Variants in CSMD1 observed in about 807,000 individuals in gnomAD.
CSMD1 encodes the protein CUB and Sushi multiple domains 1.
In CSMD1, 213 loss-of-function variants were observed where a neutral mutation model predicts 417.5. The ratio of observed to expected loss-of-function variants is 0.51; its 90% confidence interval spans 0.46 to 0.57. The LOEUF is 0.57. CSMD1 is among the 20% of genes least tolerant of loss of function. The probability of loss-of-function intolerance (pLI) is 0.00; values close to 1 mark genes in which losing one functional copy is unlikely to be tolerated. For synonymous variants in CSMD1, 2,862 were observed against 1,736.8 expected, an observed-to-expected ratio of 1.65 and a Z score of -16.11; for missense variants, 6,923 against 4,529.7, an observed-to-expected ratio of 1.53 and a Z score of -15.17.
intron 1 of CSMD1, among the ~76,000 whole-genome samples, chr8:4,914,583 G>A (rs201704799): frequency 9.6e-3 from 1,279 of 133,218 alleles, no homozygotes; most frequent in Middle Eastern, 0.016. Flanking sequence ...CTCCCAAAAA[G>A]AAAAAAAAAA....
intron 12 of CSMD1, among the ~76,000 whole-genome samples, chr8:3,425,363 G>A (rs1317331741): frequency 7.2e-5 from 11 of 151,888 alleles, no homozygotes; most frequent in African/African-American, 2.2e-4. Flanking sequence ...GCTGAGGTGC[G>A]TGGATCACGA....
chr8:4,083,422 G>A (rs1005341822), intron 3 of CSMD1, among the ~76,000 whole-genome samples: 8 of 151,968 alleles, frequency 5.3e-5, no homozygotes, highest in African/African-American at 1.7e-4. Flanking sequence ...TCCGCATCAC[G>A]CCACCTGACT....
chr8:3,972,326 G>A (rs947151403), intron 5 of CSMD1, among the ~76,000 whole-genome samples: 1 of 152,086 alleles, frequency 6.6e-6, no homozygotes, highest in Non-Finnish European at 1.5e-5. Flanking sequence ...AGTTTTCCAA[G>A]ATTGTCACTT....
At chr8:3,090,507 C>G (rs1046672766) in intron 48 of CSMD1, among the ~76,000 whole-genome samples, 1 of 152,026 alleles carries the variant, frequency 6.6e-6, no homozygotes, top group Non-Finnish European at 1.5e-5. Flanking sequence ...CTTTCAAAAT[C>G]TTGATGCTTT....
chr8:4,441,554 T>A (rs1432410769), intron 2 of CSMD1, among the ~76,000 whole-genome samples: 1 of 152,150 alleles, frequency 6.6e-6, no homozygotes, highest in Admixed American at 6.5e-5. Flanking sequence ...TAGAAGCACA[T>A]GAAAGCCTAT....
At chr8:4,401,492 C>G (rs1348012132) in intron 3 of CSMD1, among the ~76,000 whole-genome samples, 1 of 152,086 alleles carries the variant, frequency 6.6e-6, no homozygotes, top group Non-Finnish European at 1.5e-5. Flanking sequence ...ATCCCCTCAC[C>G]CAGAGAGGAG....
intron 23 of CSMD1, among the ~76,000 whole-genome samples, chr8:3,341,838 G>C (rs1262369191): frequency 3.9e-5 from 6 of 152,196 alleles, no homozygotes; most frequent in Non-Finnish European, 7.3e-5. Context: ...TCTAAGACTA[G>C]TGTAGGGGCA....
At chr8:3,304,981 A>C (rs1804712842) in intron 25 of CSMD1, among the ~76,000 whole-genome samples, 1 of 152,196 alleles carries the variant, frequency 6.6e-6, no homozygotes, top group South Asian at 2.1e-4. Context: ...AGCCATTGGA[A>C]GTGGTTTTTA....
intron 1 of CSMD1, among the ~76,000 whole-genome samples, chr8:4,734,217 T>C (rs1810080517): frequency 6.6e-6 from 1 of 152,190 alleles, no homozygotes; most frequent in Non-Finnish European, 1.5e-5. Context: ...CTGCATGGTA[T>C]AAGGATGTGT....
intron 20 of CSMD1, among the ~76,000 whole-genome samples, chr8:3,365,178 G>C (rs1041657898): frequency 1.3e-5 from 2 of 152,168 alleles, no homozygotes; most frequent in Non-Finnish European, 2.9e-5. Context: ...TTAAGTCTTT[G>C]ATATATAAAG....
intron 1 of CSMD1, among the ~76,000 whole-genome samples, chr8:4,851,315 T>A (rs935109502): frequency 6.6e-6 from 1 of 152,104 alleles, no homozygotes; most frequent in African/African-American, 2.4e-5. Context: ...CTATGGTGTA[T>A]ACATGCCAAC....
At chr8:3,818,415 C>T (rs1001022301) in intron 5 of CSMD1, among the ~76,000 whole-genome samples, 1 of 152,116 alleles carries the variant, frequency 6.6e-6, no homozygotes, top group African/African-American at 2.4e-5. Context: ...AAAACAGCAC[C>T]AAACAATTAT....
intron 3 of CSMD1, among the ~76,000 whole-genome samples, chr8:4,146,930 G>C (rs980985047): frequency 4.6e-5 from 7 of 151,798 alleles, no homozygotes; most frequent in Non-Finnish European, 1.0e-4. Context: ...TGAACTTTAA[G>C]GAAGTCAACT....
chr8:4,469,094 T>A (rs967084467), intron 2 of CSMD1, among the ~76,000 whole-genome samples: 1 of 152,164 alleles, frequency 6.6e-6, no homozygotes, highest in African/African-American at 2.4e-5. Flanking sequence ...GAAGACCTGT[T>A]TGAAGAGTTT....
chr8:4,063,403 G>C (rs986486125), intron 3 of CSMD1, among the ~76,000 whole-genome samples: 10 of 152,018 alleles, frequency 6.6e-5, no homozygotes, highest in Non-Finnish European at 8.8e-5. Flanking sequence ...ATAGATTATA[G>C]TATATATTTA....
At chr8:3,155,358 G>GTTTTTTT (rs763097673) in intron 39 of CSMD1, among the ~76,000 whole-genome samples, 2 of 48,104 alleles carry the variant, frequency 4.2e-5, no homozygotes, top group African/African-American at 6.3e-5. Flanking sequence ...TCAAGGCTGG[G>GTTTTTTT]ATTTTTTTTT....
chr8:4,798,196 T>C (rs111638295), intron 1 of CSMD1, among the ~76,000 whole-genome samples: 2,479 of 152,202 alleles, frequency 0.016, 67 homozygotes, highest in African/African-American at 0.057. Context: ...CGGTGTGTGA[T>C]GTTCCCCTTC....
At position 4,429,809 on chromosome 8, in the gene CSMD1, C is replaced by A. The variant is rs1032768304; in HGVS notation, c.303-9744G>T. ...AAATATACCGGCAATCCCCTCCCAT[C>A]ATACCCAGGATCTCATTGGCTCGGG... On this transcript the variant is annotated intron_variant, in intron 2 of 69. Coordinates refer to ENST00000635120, the MANE Select transcript of CSMD1 (RefSeq NM_033225.6). 7.6e-4 allele frequency among the ~76,000 whole-genome samples: 115 copies of A among 152,278 alleles called. 1 individual carries two copies. Among genetic ancestry groups the A allele is most frequent in the African/African-American group, 2.7e-3 (113 of 41,542 alleles).
intron 10 of CSMD1, among the ~76,000 whole-genome samples, chr8:3,544,830 G>A (rs1462204354): frequency 6.6e-6 from 1 of 152,126 alleles, no homozygotes; most frequent in Non-Finnish European, 1.5e-5. Context: ...GAGATGACAA[G>A]ACACGTGCTA....
Sources: allele counts gnomAD v4.1 joint callset (sites outside exome capture counted in the v4.1 genomes callset), GRCh38; gene constraint gnomAD v4.1.1; transcripts MANE v1.5; gene names NCBI Gene and HGNC (gene_info 2026-07-23, HGNC 2026-07-21).